MYT1L: variants seen among roughly 807,000 people sequenced by gnomAD.
MYT1L encodes myelin transcription factor 1-like protein.
A neutral mutation model predicts 126.7 loss-of-function variants in MYT1L; 12 were observed. That is an observed-to-expected ratio of 0.09 (90% CI 0.06 to 0.15). MYT1L has a LOEUF of 0.15. Ranked by LOEUF, MYT1L falls within the 10% of genes least tolerant of loss-of-function variation. The pLI, the probability that MYT1L is intolerant of heterozygous loss-of-function variation, is 1.00. For missense variants in MYT1L, 979 were observed against 1,585.2 expected (o/e 0.62, Z 6.49); for synonymous variants, 541 against 604.2 (o/e 0.90, Z 1.53).
intron 2 of MYT1L, among the ~76,000 whole-genome samples, chr2:2,277,536 G>T (rs7586598): frequency 0.037 from 5,574 of 152,306 alleles, 324 homozygotes; most frequent in African/African-American, 0.13. Context: ...TGCTCATGTT[G>T]CCACAGCCTT....
intron 15 of MYT1L, among the ~76,000 whole-genome samples, chr2:1,890,723 A>G (rs992987198): frequency 3.9e-5 from 6 of 152,080 alleles, no homozygotes; most frequent in Non-Finnish European, 8.8e-5. Context: ...GCAAAATTTG[A>G]TTTCAGAGCT....
chr2:2,268,129 T>C (rs1280108790), intron 2 of MYT1L, among the ~76,000 whole-genome samples: 1 of 152,204 alleles, frequency 6.6e-6, no homozygotes, highest in African/African-American at 2.4e-5. Flanking sequence ...CAAGCCCACA[T>C]CCATTTGATG....
chr2:2,204,624 G>A (rs912115965), intron 2 of MYT1L, among the ~76,000 whole-genome samples: 5 of 148,644 alleles, frequency 3.4e-5, no homozygotes, highest in Non-Finnish European at 7.4e-5. Context: ...AGGTGCTGGA[G>A]AGGATGTGGA....
intron 1 of MYT1L, among the ~76,000 whole-genome samples, chr2:2,288,287 C>A (rs1573204055): frequency 6.6e-6 from 1 of 152,274 alleles, no homozygotes; most frequent in Middle Eastern, 3.4e-3. Flanking sequence ...GGATTTGAAC[C>A]CTGATCATCT....
intron 2 of MYT1L, among the ~76,000 whole-genome samples, chr2:2,221,049 TGC>T (rs1289455079): frequency 6.6e-6 from 1 of 152,230 alleles, no homozygotes; most frequent in Non-Finnish European, 1.5e-5. Context: ...AAAAAACTTG[TGC>T]ACCTTGGAAT....
intron 1 of MYT1L, among the ~76,000 whole-genome samples, chr2:2,313,615 T>C (rs982137566): frequency 1.3e-5 from 2 of 151,890 alleles, no homozygotes; most frequent in South Asian, 2.1e-4. Context: ...ACACAGGAAA[T>C]GGGGGATGAA....
intron 2 of MYT1L, among the ~76,000 whole-genome samples, chr2:2,180,618 CTGTG>C (rs962520608): frequency 2.5e-5 from 3 of 120,034 alleles, no homozygotes; most frequent in Non-Finnish European, 5.5e-5. Context: ...GCTTATGTAC[CTGTG>C]TGTAGCTGTG....
chr2:2,053,483 C>G (rs2069096023), intron 4 of MYT1L, among the ~76,000 whole-genome samples: 1 of 152,122 alleles, frequency 6.6e-6, no homozygotes, highest in Admixed American at 6.5e-5. Context: ...AGCATGACTC[C>G]CAGAGCCCAC....
At chr2:2,100,914 A>C (rs987213919) in intron 3 of MYT1L, among the ~76,000 whole-genome samples, 1 of 152,220 alleles carries the variant, frequency 6.6e-6, no homozygotes, top group African/African-American at 2.4e-5. Flanking sequence ...GATGGTAAAA[A>C]TAAGTAGAAT....
chr2:1,797,031 G>A (rs1156859127), intron 23 of MYT1L, among the ~76,000 whole-genome samples: 1 of 152,200 alleles, frequency 6.6e-6, no homozygotes, highest in Non-Finnish European at 1.5e-5. Context: ...GGTGTGAACT[G>A]AGTTGAATCG....
At chr2:1,913,943 C>T (rs540850755) in intron 11 of MYT1L, among the ~76,000 whole-genome samples, 24 of 152,228 alleles carry the variant, frequency 1.6e-4, no homozygotes, top group Non-Finnish European at 2.6e-4. Flanking sequence ...TGTCTCTCGG[C>T]GTCAACAAGA....
chr2:1,885,920 G>C (rs556866122), intron 18 of MYT1L, among the ~76,000 whole-genome samples: 17 of 152,306 alleles, frequency 1.1e-4, no homozygotes, highest in Admixed American at 7.8e-4. Context: ...CAGTGTTGCA[G>C]TATAAATGTA....
intron 1 of MYT1L, chr2:2,326,120 G>C (rs1385322999): frequency 6.6e-6 from 1 of 152,246 alleles, no homozygotes; most frequent in Non-Finnish European, 1.5e-5. Context: ...GTCTGCCGTG[G>C]AGAGACCATC....
chr2:2,244,648 G>C (rs2094498684), intron 2 of MYT1L, among the ~76,000 whole-genome samples: 1 of 152,226 alleles, frequency 6.6e-6, no homozygotes, highest in East Asian at 1.9e-4. Context: ...CAAACTGCAG[G>C]CTCCAGGAAC....
chr2:2,295,783 G>T, intron 1 of MYT1L, among the ~76,000 whole-genome samples: 1 of 126,800 alleles, frequency 7.9e-6, no homozygotes, highest in East Asian at 3.1e-4. Flanking sequence ...GAGAGATAGA[G>T]AGACAGACAG....
intron 3 of MYT1L, among the ~76,000 whole-genome samples, chr2:2,081,393 T>A (rs1324115576): frequency 1.3e-5 from 2 of 152,186 alleles, no homozygotes; most frequent in Admixed American, 1.3e-4. Flanking sequence ...CAAATGCACC[T>A]CCCTGAGAAA....
chr2:1,916,831 G>A (rs1263473642), intron 11 of MYT1L, among the ~76,000 whole-genome samples: 1 of 152,190 alleles, frequency 6.6e-6, no homozygotes, highest in Non-Finnish European at 1.5e-5. Context: ...TCTCCTCTGG[G>A]ATTCCTGGCA....
At chr2:2,226,239 CT>C (rs1360449649) in intron 2 of MYT1L, among the ~76,000 whole-genome samples, 1 of 152,168 alleles carries the variant, frequency 6.6e-6, no homozygotes, top group Non-Finnish European at 1.5e-5. Flanking sequence ...TTGCTGATCA[CT>C]TGTGAAAACT....
intron 9 of MYT1L, among the ~76,000 whole-genome samples, chr2:1,923,936 A>T (rs2053893399): frequency 6.6e-6 from 1 of 152,232 alleles, no homozygotes; most frequent in Non-Finnish European, 1.5e-5. Flanking sequence ...TTAGACAGTA[A>T]ATCTGATTCC....
Sources: gnomAD v4.1 joint callset for allele counts (sites outside exome capture counted in the v4.1 genomes callset) on GRCh38, gnomAD v4.1.1 for gene constraint, MANE v1.5 for transcripts, NCBI Gene and HGNC (gene_info 2026-07-23, HGNC 2026-07-21) for gene names.